Variants in MRM1 observed in about 807,000 individuals in gnomAD.
The protein encoded by MRM1 is mitochondrial rRNA methyltransferase 1.
Under a neutral mutation model 25.0 loss-of-function variants are expected in MRM1, and 24 were observed. That is an observed-to-expected ratio of 0.96 (90% CI 0.69 to 1.35). The LOEUF is 1.35. Among genes scored for constraint, MRM1 ranks in the 40% most tolerant of loss-of-function variants. The probability of loss-of-function intolerance (pLI) is 0.00; values close to 1 mark genes in which losing one functional copy is unlikely to be tolerated. For synonymous variants in MRM1, 188 were observed against 199.2 expected (o/e 0.94, Z 0.47); for missense variants, 431 against 464.1 (o/e 0.93, Z 0.65).
intron 2 of MRM1, among the ~76,000 whole-genome samples, chr17:36,604,479 T>G (rs2074909849): frequency 6.6e-6 from 1 of 152,134 alleles, no homozygotes; most frequent in South Asian, 2.1e-4. Flanking sequence ...TTTCCCAGAT[T>G]TTAGTCCTCG....
At chr17:36,633,618 G>T in the MRM1 span, among the ~76,000 whole-genome samples, 5 of 151,332 alleles carry the variant, frequency 3.3e-5, no homozygotes, top group South Asian at 1.1e-3. Flanking sequence ...AGGAAGAGGA[G>T]GAAAGAGCAG....
chr17:36,608,205 C>G (rs1461046967), intron 4 of MRM1, 38 bp from the exon 5 acceptor site: 1 of 1,537,054 alleles, frequency 6.5e-7, no homozygotes, highest in Non-Finnish European at 8.8e-7. Flanking sequence ...TCATCCTTCT[C>G]CTCCGTCCTC....
the MRM1 span, among the ~76,000 whole-genome samples, chr17:36,621,291 T>C: frequency 6.6e-6 from 1 of 152,146 alleles, no homozygotes; most frequent in African/African-American, 2.4e-5. Context: ...CTCAGCCTTT[T>C]ATCTCCTACT....
In MRM1 at chr17:36,601,828, C is replaced by T. The variant is rs1287988670; in HGVS notation, c.18C>T (p.Thr6=). 7.0e-6 allele frequency: 11 copies of T among 1,573,092 alleles called. No homozygotes were observed. Among genetic ancestry groups the T allele is most frequent in the Admixed American group, 1.7e-5 (1 of 57,518 alleles). ...GCTGCGCCATGGCATTGCTCTCGAC[C>T]GTCCGGGGCGCGACCTGGGGTCGCC... is the stretch of plus-strand genomic sequence containing the variant. MALLS[T]VRGATWGRLV... Residue 6 remains threonine, a synonymous_variant, in exon 1 of 5, where the codon ACC becomes ACT. Transcript: ENST00000614766.
At chr17:36,613,548 G>C (rs1477369973), downstream of MRM1, among the ~76,000 whole-genome samples, 1 of 152,184 alleles carries the variant, frequency 6.6e-6, no homozygotes, top group Non-Finnish European at 1.5e-5. Flanking sequence ...CCCTTCCCCA[G>C]GCAGTGAACA....
downstream of MRM1, among the ~76,000 whole-genome samples, chr17:36,612,363 C>A (rs59242072): frequency 6.6e-6 from 1 of 152,180 alleles, no homozygotes; most frequent in Non-Finnish European, 1.5e-5. Flanking sequence ...CAGGTGTGTG[C>A]TAATTTCTGG....
At chr17:36,627,939 G>A in the MRM1 span, among the ~76,000 whole-genome samples, 1 of 152,128 alleles carries the variant, frequency 6.6e-6, no homozygotes, top group Non-Finnish European at 1.5e-5. Flanking sequence ...GCCTCTCAAA[G>A]TGTTGGGATT....
At position 36,607,694 on chromosome 17, in the gene MRM1, G is replaced by A. The variant is rs764657248; in HGVS notation, c.661G>A (p.Val221Met). 67 of 1,613,922 alleles carry A rather than the reference G, an allele frequency of 4.2e-5. No individual in the cohort carries two copies. Among genetic ancestry groups the A allele is most frequent in the East Asian group, 6.7e-5 (3 of 44,884 alleles). ...LQTKAQQGWL[V>M]AGTVGCPSTE... The stretch of plus-strand genomic sequence containing the variant: ...GACCAAAGCCCAGCAGGGCTGGCTC[G>A]TGGCCGGCACGGTGGGCTGCCCAAG... The change falls in exon 3 of 5, where the codon GTG becomes ATG. Residue 221 changes from valine to methionine, a missense_variant. Val to Met is a conservative substitution (Grantham distance 21). Coordinates refer to ENST00000614766, the MANE Select transcript of MRM1 (RefSeq NM_024864.5).
chr17:36,604,906 G>A (rs1184401663), intron 2 of MRM1, among the ~76,000 whole-genome samples: 1 of 151,962 alleles, frequency 6.6e-6, no homozygotes, highest in Non-Finnish European at 1.5e-5. Flanking sequence ...TTGGGAGGCT[G>A]AGGCAGGTGG....
At chr17:36,628,517 G>A in the MRM1 span, among the ~76,000 whole-genome samples, 4 of 152,156 alleles carry the variant, frequency 2.6e-5, no homozygotes, top group Non-Finnish European at 4.4e-5. Context: ...ATATAACCAT[G>A]GAAAATGGAC....
chr17:36,610,663 T>C (rs189223811), downstream of MRM1, among the ~76,000 whole-genome samples: 86 of 152,346 alleles, frequency 5.6e-4, no homozygotes, highest in Non-Finnish European at 1.1e-3. Context: ...GACCCATCCC[T>C]GCTTCATTCT....
In MRM1 at chr17:36,607,996, C is replaced by T. The variant is rs1244930752; in HGVS notation, c.867C>T (p.Ser289=). 6.2e-7 allele frequency: 1 copy of T among 1,614,176 alleles called. No homozygotes were observed. The highest frequency in any genetic ancestry group is 1.7e-5 in the Admixed American group (1 of 60,030). Residue 289 remains serine (S), a synonymous_variant, in exon 4 of 5, where the codon TCC becomes TCT. Transcript: ENST00000614766. ...GCCAGCTGCCTCCTGGACTTGAGTC[C>T]TTGAACGTCTCTGTGGCTGCAGGTG... ...PRRQLPPGLE[S]LNVSVAAGIL...
the MRM1 span, among the ~76,000 whole-genome samples, chr17:36,620,783 G>T: frequency 6.6e-6 from 1 of 152,202 alleles, no homozygotes; most frequent in Admixed American, 6.5e-5. Flanking sequence ...GCCTAGCTGT[G>T]CAGGAGATTC....
At chr17:36,625,378 CTCTTCGCTCTTCG>C in the MRM1 span, among the ~76,000 whole-genome samples, 2 of 150,990 alleles carry the variant, frequency 1.3e-5, no homozygotes, top group Non-Finnish European at 2.9e-5. Flanking sequence ...TTTCTTCTTC[CTCTTCGCTCTTCG>C]TCTTCTTTCT....
the MRM1 span, among the ~76,000 whole-genome samples, chr17:36,631,464 T>C: frequency 1.3e-5 from 2 of 152,242 alleles, no homozygotes; most frequent in Non-Finnish European, 2.9e-5. Flanking sequence ...TTTGTGTCCC[T>C]GTTTAGGCAT....
chr17:36,625,659 G>T, the MRM1 span, among the ~76,000 whole-genome samples: 1 of 151,396 alleles, frequency 6.6e-6, no homozygotes, highest in Non-Finnish European at 1.5e-5. Flanking sequence ...TTGGGGTTTC[G>T]CCATGTGGGT....
chr17:36,625,348 TTCTTCC>T, the MRM1 span, among the ~76,000 whole-genome samples: 6 of 152,038 alleles, frequency 3.9e-5, 1 homozygote, highest in African/African-American at 1.4e-4. Context: ...CGCCTTCTTC[TTCTTCC>T]TCTTCCTCTT....
intron 4 of MRM1, 73 bp from the exon 5 acceptor site, chr17:36,608,170 G>T: frequency 1.3e-6 from 2 of 1,522,632 alleles, no homozygotes; most frequent in Non-Finnish European, 1.8e-6. Context: ...ATGAGGGGCT[G>T]CCTGAATGTC....
At chr17:36,631,572 C>A in the MRM1 span, among the ~76,000 whole-genome samples, 1 of 152,236 alleles carries the variant, frequency 6.6e-6, no homozygotes, top group Non-Finnish European at 1.5e-5. Flanking sequence ...AGATCACACA[C>A]ACAAAGGCAC....
Sources: allele counts gnomAD v4.1 joint callset (sites outside exome capture counted in the v4.1 genomes callset), GRCh38; gene constraint gnomAD v4.1.1; transcripts MANE v1.5; gene names NCBI Gene and HGNC (gene_info 2026-07-23, HGNC 2026-07-21).